Variants in PCDHGA7 observed in about 807,000 individuals in gnomAD.
PCDHGA7 encodes the protein protocadherin gamma subfamily A, 7.
A neutral mutation model predicts 58.3 loss-of-function variants in PCDHGA7; 44 were observed. The ratio of observed to expected loss-of-function variants is 0.75; its 90% CI spans 0.59 to 0.97. The LOEUF (loss-of-function observed/expected upper bound fraction) is 0.97. PCDHGA7 is among the 50% of genes least tolerant of loss of function. The probability of loss-of-function intolerance (pLI) is 0.00; values close to 1 mark genes in which losing one functional copy is unlikely to be tolerated. For synonymous variants in PCDHGA7, 516 were observed against 504.2 expected (o/e 1.02, Z -0.31); for missense variants, 1,266 against 1,188.7 (o/e 1.06, Z -0.96).
chr5:141,409,919 G>C (rs774277848), intron 1 of PCDHGA7: 1 of 1,613,346 alleles, frequency 6.2e-7, no homozygotes, highest in South Asian at 1.1e-5. Flanking sequence ...TGACGGCTCC[G>C]CGTTCTTCGA....
Position 141,485,166 on chromosome 5 carries a change from C to T in PCDHGA7, c.2425-9641C>T, listed in dbSNP as rs1180453938. 2 of 1,606,374 alleles carry T rather than the reference C, an allele frequency of 1.2e-6. No individual in the cohort carries two copies. Among genetic ancestry groups the T allele is most frequent in the Non-Finnish European group, 8.5e-7 (1 of 1,174,214 alleles). ...CAGGAGCAAGTAGAGAATTAGCGGG[C>T]GGCAGCAATGCTCCGCAAGGTGAGA... On this transcript the variant is annotated intron_variant, in intron 1 of 3. Transcript: ENST00000518325. The surrounding 1 kb of genome is among the most constrained non-coding windows in gnomAD (Gnocchi z 5.7).
In PCDHGA7 at chr5:141,477,053, G is replaced by A; in HGVS notation, c.2425-17754G>A. On this transcript the variant is annotated intron_variant, in intron 1 of 3. Transcript: ENST00000518325. This position sits in a 1 kb window ranked among gnomAD's most constrained non-coding sequence, Gnocchi z 4.9. ...GACAATCAAGGGTCGGCTGGACTTC[G>A]AGGACACCAAACTCCATGAGATTTA... The A allele has an allele frequency of 1.9e-6, 3 of 1,614,230 alleles. No homozygotes were observed. The highest frequency in any genetic ancestry group is 2.5e-6 in the Non-Finnish European group (3 of 1,180,032).
intron 1 of PCDHGA7, chr5:141,393,958 T>C: frequency 6.2e-7 from 1 of 1,613,966 alleles, no homozygotes; most frequent in East Asian, 2.2e-5. Flanking sequence ...AATGGTCAAG[T>C]TGTCTGTTAC....
chr5:141,419,926 G>A lies in PCDHGA7; in HGVS notation c.2424+34603G>A. 3 of 1,614,096 alleles carry A rather than the reference G, an allele frequency of 1.9e-6. No homozygotes were observed. In the South Asian group the frequency reaches 3.3e-5, roughly 18 times the overall value. On this transcript the variant is annotated intron_variant, in intron 1 of 3. Transcript: ENST00000518325. ...CCTCTGACTCCCAGGCTGAGATGCA[G>A]TTTTACCTGGTGGTGGCCTTGGCCT... is the stretch of plus-strand genomic sequence containing the variant.
intron 1 of PCDHGA7, among the ~76,000 whole-genome samples, chr5:141,429,602 C>T (rs548994907): frequency 1.1e-4 from 16 of 152,218 alleles, no homozygotes; most frequent in African/African-American, 3.6e-4. Flanking sequence ...TTCAAGTAAA[C>T]TCAATTTTAT....
chr5:141,453,341 C>T (rs1327119655), intron 1 of PCDHGA7, among the ~76,000 whole-genome samples: 2 of 151,822 alleles, frequency 1.3e-5, no homozygotes, highest in East Asian at 3.9e-4. Context: ...CTATGTTTCC[C>T]CAGGCTGACC....
At chr5:141,403,577 C>T (rs1188693688) in intron 1 of PCDHGA7, 2 of 1,613,812 alleles carry the variant, frequency 1.2e-6, no homozygotes, top group South Asian at 1.1e-5. Context: ...AACTGCCCAC[C>T]ACCTGGTCCT....
At chr5:141,410,913 G>GC (rs1270456210) in intron 1 of PCDHGA7, 4 of 263,626 alleles carry the variant, frequency 1.5e-5, no homozygotes, top group African/African-American at 1.1e-4. Flanking sequence ...GAGTGCAGTG[G>GC]CGTGATCTCT....
chr5:141,384,792 C>T lies in PCDHGA7; in HGVS notation c.1893C>T (p.Ala631=), dbSNP rs374905153. ...CGGGCGAGGTGCGCACGGCTCGGGC[C>T]CTGCTGGACAGAGATGCCCTCAAGC... ...LYTGEVRTAR[A]LLDRDALKQS... is the part of the protein sequence containing the mutation. The change falls in exon 1 of 4, where the codon GCC becomes GCT. Residue 631 remains alanine (A), a synonymous_variant. Transcript: ENST00000518325. The T allele has an allele frequency of 5.0e-6, 8 of 1,613,404 alleles. No homozygotes were observed. The African/African-American group carries it at 6.7e-5, about 13-fold the overall frequency.
At chr5:141,449,137 A>C (rs1257120647) in intron 1 of PCDHGA7, among the ~76,000 whole-genome samples, 1 of 152,176 alleles carries the variant, frequency 6.6e-6, no homozygotes, top group Non-Finnish European at 1.5e-5. Context: ...AATGGAATTG[A>C]AATTGCTGGG....
chr5:141,427,960 G>A, intron 1 of PCDHGA7: 2 of 1,589,168 alleles, frequency 1.3e-6, no homozygotes, highest in East Asian at 2.2e-5. Context: ...AATGTGCCGC[G>A]GGTGCTGTAC....
intron 1 of PCDHGA7, chr5:141,441,621 G>C (rs2098260273): frequency 9.0e-6 from 2 of 223,292 alleles, no homozygotes; most frequent in Non-Finnish European, 1.8e-5. Flanking sequence ...CGTGGCCAGT[G>C]ACCTGGAGCC....
rs561824381 is a variant in PCDHGA7 at position 141,449,084 on chromosome 5, C to T, written c.2425-45723C>T. Among the ~76,000 whole-genome samples, 8 of 152,250 alleles carry T rather than the reference C, an allele frequency of 5.3e-5. No individual in the cohort carries two copies. In the East Asian group the frequency reaches 1.4e-3, roughly 26 times the overall value. The stretch of plus-strand genomic sequence containing the variant: ...CTATTGAATAGCCCTGTACCTACAT[C>T]AGTTTTTACATATGCAGTATATCTT... On this transcript the variant is annotated intron_variant, in intron 1 of 3. Transcript: ENST00000518325.
chr5:141,485,383 G>C lies in PCDHGA7; in HGVS notation c.2425-9424G>C. 6.2e-7 allele frequency: 1 copy of C among 1,614,128 alleles called. No individual in the cohort carries two copies. Among genetic ancestry groups the C allele is most frequent in the Non-Finnish European group, 8.5e-7 (1 of 1,180,020 alleles). On this transcript the variant is annotated intron_variant, in intron 1 of 3. Coordinates refer to ENST00000518325, the MANE Select transcript of PCDHGA7 (RefSeq NM_018920.4). The surrounding 1 kb of genome is among the most constrained non-coding windows in gnomAD (Gnocchi z 5.7). Reference sequence around the variant, plus strand: ...GCAGGCTGCAGGTCGCTGGAGAGGTGAACCAAAGACACTTCCGTGTGGATT... The same window carrying C: ...GCAGGCTGCAGGTCGCTGGAGAGGTCAACCAAAGACACTTCCGTGTGGATT...
chr5:141,431,020 G>A lies in PCDHGA7; in HGVS notation c.2424+45697G>A, dbSNP rs941765907. On this transcript the variant is annotated intron_variant, in intron 1 of 3. Transcript: ENST00000518325. This position sits in a 1 kb window ranked among gnomAD's most constrained non-coding sequence, Gnocchi z 4.8. ...CGCGCAGCGGCAGCTTGGTCACGGC[G>A]GGCAGGATAGACCGGGAGGAGCTCT... The A allele has an allele frequency of 9.9e-6, 16 of 1,614,050 alleles. No homozygotes were observed. Among genetic ancestry groups the A allele is most frequent in the East Asian group, 4.5e-5 (2 of 44,886 alleles).
chr5:141,400,120 C>G, intron 1 of PCDHGA7: 1 of 1,614,076 alleles, frequency 6.2e-7, no homozygotes, highest in Non-Finnish European at 8.5e-7. Context: ...TGACAGCTTG[C>G]AGGAGGTGCT....
chr5:141,405,974 A>T (rs1194827537), intron 1 of PCDHGA7, among the ~76,000 whole-genome samples: 1 of 152,002 alleles, frequency 6.6e-6, no homozygotes, highest in Non-Finnish European at 1.5e-5. Context: ...AACGTAAACC[A>T]TACTTCATGG....
chr5:141,462,599 T>TGG (rs2099043404), intron 1 of PCDHGA7, among the ~76,000 whole-genome samples: 1 of 152,208 alleles, frequency 6.6e-6, no homozygotes, highest in African/African-American at 2.4e-5. Context: ...CCATTTCATA[T>TGG]ATTGTATTTT....
chr5:141,422,422 T>TA, intron 1 of PCDHGA7: 1 of 1,607,804 alleles, frequency 6.2e-7, no homozygotes, highest in Non-Finnish European at 8.5e-7. Flanking sequence ...AGAAAAGACT[T>TA]ATGGAAATTA....
Sources: allele counts gnomAD v4.1 joint callset (sites outside exome capture counted in the v4.1 genomes callset), GRCh38; gene constraint gnomAD v4.1.1; non-coding constraint Gnocchi (gnomAD v3.1); transcripts MANE v1.5; gene names NCBI Gene and HGNC (gene_info 2026-07-23, HGNC 2026-07-21).